Variants in SHANK1 observed in about 807,000 individuals in gnomAD.
The protein encoded by SHANK1 is SH3 and multiple ankyrin repeat domains 1.
In SHANK1, 35 loss-of-function variants were observed where a neutral mutation model predicts 165.6. The ratio of observed to expected loss-of-function variants is 0.21; its 90% CI spans 0.16 to 0.28. The LOEUF is 0.28. Among genes scored for constraint, SHANK1 ranks in the 10% least tolerant of loss-of-function variants. The pLI is 1.00. For synonymous variants in SHANK1, 1,428 were observed against 1,384.8 expected, an observed-to-expected ratio of 1.03 and a Z score of -0.69; for missense variants, 2,681 against 3,036.4, an observed-to-expected ratio of 0.88 and a Z score of 2.75.
chr19:50,677,045 ATGG>A (rs1986006487), intron 21 of SHANK1, among the ~76,000 whole-genome samples: 1 of 151,994 alleles, frequency 6.6e-6, no homozygotes, highest in African/African-American at 2.4e-5. Flanking sequence ...CATGGCTAAG[ATGG>A]TGGAGCAGAA....
chr19:50,692,312 T>A (rs1386235767), intron 15 of SHANK1, among the ~76,000 whole-genome samples: 1 of 151,944 alleles, frequency 6.6e-6, no homozygotes, highest in African/African-American at 2.4e-5. Context: ...CATTTATGTA[T>A]TCAGTTAGTC....
Position 50,666,218 on chromosome 19 carries a change from C to T in SHANK1, c.5742G>A (p.Glu1914=). 1.2e-6 allele frequency: 2 copies of T among 1,605,270 alleles called. No homozygotes were observed. The highest frequency in any genetic ancestry group is 1.3e-5 in the African/African-American group (1 of 74,922). Residue 1914 remains glutamate (E), a synonymous_variant, in exon 23 of 24, where the codon GAG becomes GAA. Transcript: ENST00000293441. ...TCTGCCGCTGCAGGGAGGAGGTCCT[C>T]TCGGGGACATAGCTGGCTCCCCCGT... is the stretch of plus-strand genomic sequence containing the variant. ...SHHGGASYVP[E]RTSSLQRQRL... is the part of the protein sequence containing the mutation.
chr19:50,701,754 T>G (rs899267128), intron 12 of SHANK1, among the ~76,000 whole-genome samples: 17 of 152,176 alleles, frequency 1.1e-4, no homozygotes, highest in African/African-American at 3.9e-4. Context: ...ATGCCTCGTA[T>G]TAACGGCCAC....
At chr19:50,694,564 C>T (rs1986661890) in intron 15 of SHANK1, among the ~76,000 whole-genome samples, 1 of 103,230 alleles carries the variant, frequency 9.7e-6, no homozygotes, top group Non-Finnish European at 1.9e-5. Context: ...GTTTAGGGGG[C>T]CTGCTGGGAG....
chr19:50,677,257 A>G (rs950091650), intron 21 of SHANK1, among the ~76,000 whole-genome samples: 1 of 151,438 alleles, frequency 6.6e-6, no homozygotes, highest in East Asian at 1.9e-4. Context: ...CCTCCTGAGT[A>G]GCTGAGACTA....
At chr19:50,707,881 C>CTTTTCTTTTCTTTTCTT in intron 8 of SHANK1, among the ~76,000 whole-genome samples, 1 of 2,612 alleles carries the variant, frequency 3.8e-4, no homozygotes, top group South Asian at 6.2e-3. Context: ...GCGTGTTTTT[C>CTTTTCTTTTCTTTTCTT]TTTTCTTTTC....
chr19:50,686,778 C>T lies in SHANK1; in HGVS notation c.2424G>A (p.Met808Ile), dbSNP rs1986352947. 6.2e-7 allele frequency: 1 copy of T among 1,613,852 alleles called. No homozygotes were observed. The highest frequency in any genetic ancestry group is 2.2e-5 in the East Asian group (1 of 44,828). Residue 808 changes from methionine to isoleucine, a missense_variant, in exon 20 of 24, where the codon ATG (methionine) becomes ATA (isoleucine). Physicochemically the swap from Met to Ile is conservative, Grantham distance 10 (BLOSUM62 1). Coordinates refer to ENST00000293441, the MANE Select transcript of SHANK1 (RefSeq NM_016148.5). This position sits in a 1 kb window ranked among gnomAD's most constrained non-coding sequence, Gnocchi z 5.7. ...TCTGATACACGGTCCGCTTTTTCTC[C>T]ATGCTGGGCACCGGCGCCGGCTGCT... is the stretch of plus-strand genomic sequence containing the variant. ...YEQQPAPVPS[M>I]EKKRTVYQMA...
Position 50,662,711 on chromosome 19 carries a change from A to C in SHANK1, c.5769-29T>G, listed in dbSNP as rs1438268613. ...GAATGTGACAAGGGGGCAGTGGGGG[A>C]GGACAGGGATTTAGGGGGCAAGGGC... On this transcript the variant is annotated intron_variant, in intron 23 of 23. Transcript: ENST00000293441. The surrounding 1 kb of genome is among the most constrained non-coding windows in gnomAD (Gnocchi z 7.7). 6.7e-7 allele frequency: 1 copy of C among 1,489,092 alleles called. No homozygotes were observed. The highest frequency in any genetic ancestry group is 1.2e-5 in the South Asian group (1 of 82,884). The allele number at this position is 1,489,092 out of a possible 1,614,324, so 92.2% of individuals were successfully genotyped here.
At position 50,688,094 on chromosome 19, in the gene SHANK1, A is replaced by G; in HGVS notation, c.2173-36T>C. The G allele has an allele frequency of 3.1e-6, 5 of 1,612,146 alleles. No homozygotes were observed. The highest frequency in any genetic ancestry group is 4.2e-6 in the Non-Finnish European group (5 of 1,179,368). On this transcript the variant is annotated intron_variant, in intron 17 of 23. Coordinates refer to ENST00000293441, the MANE Select transcript of SHANK1 (RefSeq NM_016148.5). The surrounding 1 kb of genome is among the most constrained non-coding windows in gnomAD (Gnocchi z 6.7). The stretch of plus-strand genomic sequence containing the variant: ...GACACCCCCAGATCACACAGAGTAG[A>G]CGAGGGGAGGGGTGCTTGCAGCTTC...
chr19:50,709,207 T>C (rs904829385), intron 8 of SHANK1, among the ~76,000 whole-genome samples: 9 of 152,140 alleles, frequency 5.9e-5, no homozygotes, highest in Non-Finnish European at 7.3e-5. Flanking sequence ...GGCATGATCT[T>C]GGCTCACTGC....
At chr19:50,706,831 G>A (rs1173008492) in intron 8 of SHANK1, among the ~76,000 whole-genome samples, 1 of 151,930 alleles carries the variant, frequency 6.6e-6, no homozygotes, top group Non-Finnish European at 1.5e-5. Flanking sequence ...AGGCTGGAGT[G>A]CAGTGACACG....
At position 50,702,677 on chromosome 19, in the gene SHANK1, C is replaced by T; in HGVS notation, c.1554-17G>A. On this transcript the variant is annotated splice_polypyrimidine_tract_variant and intron_variant, in intron 11 of 23. Coordinates refer to ENST00000293441, the MANE Select transcript of SHANK1 (RefSeq NM_016148.5). This position sits in a 1 kb window ranked among gnomAD's most constrained non-coding sequence, Gnocchi z 5.3. The stretch of plus-strand genomic sequence containing the variant: ...CCGCTGGAGCTGCGTACACAGAGGG[C>T]ATGAGAGGAGGGGAGGGTGGAGGGA... 6.6e-7 allele frequency: 1 copy of T among 1,516,736 alleles called. No individual in the cohort carries two copies. The highest frequency in any genetic ancestry group is 8.9e-7 in the Non-Finnish European group (1 of 1,127,908). 94.0% of individuals were successfully genotyped at this position (1,516,736 alleles called of 1,614,324 possible).
chr19:50,687,244 G>A lies in SHANK1; in HGVS notation c.2389+338C>T, dbSNP rs561098726. Among the ~76,000 whole-genome samples, 307 of 152,130 alleles carry A rather than the reference G, an allele frequency of 2.0e-3. 3 individuals carry two copies. The highest frequency in any genetic ancestry group is 7.0e-3 in the African/African-American group (292 of 41,478). ...AGGGGCTCGCTTTCCTCTGTTATTG[G>A]GGGTTGGGGGGAGCTGGTGGAGGGA... On this transcript the variant is annotated intron_variant, in intron 19 of 23. Coordinates refer to ENST00000293441, the MANE Select transcript of SHANK1 (RefSeq NM_016148.5).
At chr19:50,687,752 T>C (rs2123132989) in intron 18 of SHANK1, 90 bp from the exon 19 acceptor site, 2 of 1,353,980 alleles carry the variant, frequency 1.5e-6, no homozygotes, top group Middle Eastern at 2.3e-4. Flanking sequence ...GCTCAGAGAA[T>C]AGCCATTGCC....
intron 8 of SHANK1, among the ~76,000 whole-genome samples, chr19:50,710,536 A>G (rs1216215379): frequency 6.6e-6 from 1 of 152,172 alleles, no homozygotes; most frequent in African/African-American, 2.4e-5. Flanking sequence ...TCAGGTGGCT[A>G]AAGTACCAGA....
At position 50,688,193 on chromosome 19, in the gene SHANK1, C is replaced by A; in HGVS notation, c.2173-135G>T. On this transcript the variant is annotated intron_variant, in intron 17 of 23. Coordinates refer to ENST00000293441, the MANE Select transcript of SHANK1 (RefSeq NM_016148.5). This position sits in a 1 kb window ranked among gnomAD's most constrained non-coding sequence, Gnocchi z 6.7. Reference sequence around the variant, plus strand: ...TGGGCTATGTTCCTCTCCCTCCGACCCTTCATACCACCGCCTCCCTGGGCA... The same window carrying A: ...TGGGCTATGTTCCTCTCCCTCCGACACTTCATACCACCGCCTCCCTGGGCA... The A allele has an allele frequency of 9.1e-7, 1 of 1,099,432 alleles. No homozygotes were observed. Among genetic ancestry groups the A allele is most frequent in the South Asian group, 1.5e-5 (1 of 66,102 alleles). The allele number at this position is 1,099,432 out of a possible 1,614,324, so 68.1% of individuals were successfully genotyped here. A position where few individuals can be genotyped will look rare whatever the true frequency, so the allele number is the denominator to read the frequency against.
chr19:50,705,499 T>G (rs1192226090), intron 8 of SHANK1, among the ~76,000 whole-genome samples: 1 of 152,246 alleles, frequency 6.6e-6, no homozygotes, highest in East Asian at 1.9e-4. Context: ...ATTTAGGGTA[T>G]GTGCTCATGC....
Position 50,667,285 on chromosome 19 carries a change from C to T in SHANK1, c.4675G>A (p.Gly1559Ser), listed in dbSNP as rs750054875. ...PPAPSVDVED[G>S]EFLFVEPLPP... ...AGCGGTTCCACGAAAAGGAATTCGC[C>T]ATCTTCCACATCCACCGAGGGGGCG... The change falls in exon 23 of 24, where the codon GGC becomes AGC. Residue 1559 changes from glycine to serine, a missense_variant. Physicochemically the swap from Gly to Ser is moderately conservative, Grantham distance 56 (BLOSUM62 0). Coordinates refer to ENST00000293441, the MANE Select transcript of SHANK1 (RefSeq NM_016148.5). The surrounding 1 kb of genome is among the most constrained non-coding windows in gnomAD (Gnocchi z 5.7). 8.1e-6 allele frequency: 13 copies of T among 1,595,956 alleles called. No individual in the cohort carries two copies. Among genetic ancestry groups the T allele is most frequent in the African/African-American group, 1.3e-5 (1 of 74,854 alleles).
Position 50,716,237 on chromosome 19 carries a change from G to T in SHANK1, c.459+38C>A, listed in dbSNP as rs2123207698. ...GGGGGGCAGATGTGTTTTAGGGCAT[G>T]CCTTCTCTTATCAGTGAAGGAGTTG... On this transcript the variant is annotated intron_variant, in intron 3 of 23. Coordinates refer to ENST00000293441, the MANE Select transcript of SHANK1 (RefSeq NM_016148.5). The surrounding 1 kb of genome is among the most constrained non-coding windows in gnomAD (Gnocchi z 8.4). The T allele has an allele frequency of 1.3e-6, 2 of 1,572,340 alleles. No individual in the cohort carries two copies. Among genetic ancestry groups the T allele is most frequent in the Non-Finnish European group, 1.8e-6 (2 of 1,142,580 alleles).
Sources: allele counts gnomAD v4.1 joint callset (sites outside exome capture counted in the v4.1 genomes callset), GRCh38; gene constraint gnomAD v4.1.1; non-coding constraint Gnocchi (gnomAD v3.1); transcripts MANE v1.5; gene names NCBI Gene and HGNC (gene_info 2026-07-23, HGNC 2026-07-21).